Variants in UBXN7 observed in about 807,000 individuals in gnomAD.
UBXN7 encodes UBX domain-containing protein 7.
UBXN7 carries 9 observed loss-of-function variants against 58.0 expected under a neutral mutation model. That is an observed-to-expected ratio of 0.16 (90% CI 0.09 to 0.27). UBXN7 has a LOEUF of 0.27. UBXN7 is among the 10% of genes least tolerant of loss of function. The pLI, the probability that UBXN7 is intolerant of heterozygous loss-of-function variation, is 1.00. For missense variants in UBXN7, 328 were observed against 599.6 expected (o/e 0.55, Z 4.73); for synonymous variants, 208 against 205.0 (o/e 1.01, Z -0.12).
In UBXN7 at chr3:196,389,640, TTC is replaced by T. The variant is rs1729516889; in HGVS notation, c.468+2171_468+2172del. On this transcript the variant is annotated intron_variant, in intron 5 of 10. Coordinates refer to ENST00000296328, the MANE Select transcript of UBXN7 (RefSeq NM_015562.2). Reference sequence around the variant, plus strand: ...GTGCTACACCGGCTTCCCCTTTGCCTTCTGCCATGACTGCAAGCTTCCTGAGG... The same window carrying T: ...GTGCTACACCGGCTTCCCCTTTGCCTTGCCATGACTGCAAGCTTCCTGAGG... Among the ~76,000 whole-genome samples, 3 of 152,220 alleles carry T rather than the reference TTC, an allele frequency of 2.0e-5. No individual in the cohort carries two copies. The South Asian group carries it at 6.2e-4, about 31-fold the overall frequency.
chr3:196,393,698 A>T, intron 3 of UBXN7, 79 bp from the exon 4 acceptor site: 1 of 1,403,338 alleles, frequency 7.1e-7, no homozygotes. Context: ...ATCTAAAAGT[A>T]TTTTTTTAAT....
intron 10 of UBXN7, among the ~76,000 whole-genome samples, chr3:196,357,602 A>AT (rs1250136450): frequency 1.3e-5 from 2 of 152,116 alleles, no homozygotes; most frequent in Non-Finnish European, 2.9e-5. Context: ...GCAAAATCCC[A>AT]TCTCATCAAA....
intron 2 of UBXN7, among the ~76,000 whole-genome samples, chr3:196,403,511 T>C (rs946385741): frequency 1.3e-5 from 2 of 151,960 alleles, no homozygotes; most frequent in South Asian, 4.2e-4. Context: ...TGGAAAAGAG[T>C]ACCTGGCATA....
chr3:196,378,063 T>C (rs535247894), intron 5 of UBXN7, among the ~76,000 whole-genome samples: 2 of 152,340 alleles, frequency 1.3e-5, no homozygotes, highest in South Asian at 4.1e-4. Context: ...ATGTATTATA[T>C]TCACTGTTAT....
At chr3:196,421,799 T>C (rs1436151809) in intron 1 of UBXN7, among the ~76,000 whole-genome samples, 1 of 151,176 alleles carries the variant, frequency 6.6e-6, no homozygotes, top group African/African-American at 2.4e-5. Flanking sequence ...AAAAGATTTA[T>C]AGATGGTAAG....
rs1358093457 is a variant in UBXN7, at chr3:196,348,058, G to C, written c.*8627C>G. On this transcript the variant is annotated 3_prime_UTR_variant, in exon 11 of 11. Coordinates refer to ENST00000296328, the MANE Select transcript of UBXN7 (RefSeq NM_015562.2). ...TATCTAAGATTTCCCTGGTTTTAGA[G>C]CAAGTGGAAGTTCCATTGAGTCTTA... 2.0e-5 allele frequency: 3 copies of C among 152,090 alleles called. No individual in the cohort carries two copies. The highest frequency in any genetic ancestry group is 4.4e-5 in the Non-Finnish European group (3 of 68,024). The allele number at this position is 152,090 out of a possible 1,614,324, so 9.4% of individuals were successfully genotyped here. A position where few individuals can be genotyped will look rare whatever the true frequency, so the allele number is the denominator to read the frequency against.
chr3:196,432,385 C>G lies in UBXN7; in HGVS notation c.15G>C (p.Gly5=), dbSNP rs1258023232. 2.5e-6 allele frequency: 4 copies of G among 1,594,962 alleles called. No homozygotes were observed. Among genetic ancestry groups the G allele is most frequent in the Non-Finnish European group, 3.4e-6 (4 of 1,167,000 alleles). ...TCAGCGCCGAGGACGCCGCGGAGCC[C>G]CCGTGGGCAGCCATCTTACCGCCGC... MAAH[G]GSAASSALKG... Residue 5 remains glycine, a synonymous_variant, in exon 1 of 11, where the codon GGG becomes GGC. Coordinates refer to ENST00000296328, the MANE Select transcript of UBXN7 (RefSeq NM_015562.2).
At position 196,351,667 on chromosome 3, in the gene UBXN7, C is replaced by G. The variant is rs1427395167; in HGVS notation, c.*5018G>C. On this transcript the variant is annotated 3_prime_UTR_variant, in exon 11 of 11. Transcript: ENST00000296328. Reference sequence around the variant, plus strand: ...AACTATTAATCTAGTCCAATTATCTCATTTTTCAGACGAGAAACCAGAGAT... The same window carrying G: ...AACTATTAATCTAGTCCAATTATCTGATTTTTCAGACGAGAAACCAGAGAT... 1 of 152,122 alleles carries G rather than the reference C, an allele frequency of 6.6e-6. No individual in the cohort carries two copies. Among genetic ancestry groups the G allele is most frequent in the Admixed American group, 6.5e-5 (1 of 15,274 alleles). The allele number at this position is 152,122 out of a possible 1,614,324, so 9.4% of individuals were successfully genotyped here.
intron 1 of UBXN7, among the ~76,000 whole-genome samples, chr3:196,417,588 C>T (rs1258464240): frequency 6.6e-6 from 1 of 151,816 alleles, no homozygotes; most frequent in Non-Finnish European, 1.5e-5. Context: ...GATTTATCAA[C>T]TTCATGAAGT....
intron 4 of UBXN7, among the ~76,000 whole-genome samples, chr3:196,392,686 C>T (rs936410587): frequency 1.3e-5 from 2 of 151,886 alleles, no homozygotes; most frequent in African/African-American, 4.8e-5. Flanking sequence ...GCCTGTAGTC[C>T]CAGCTACTTG....
chr3:196,366,798 A>G (rs1278279857), intron 8 of UBXN7, among the ~76,000 whole-genome samples: 1 of 152,156 alleles, frequency 6.6e-6, no homozygotes, highest in Non-Finnish European at 1.5e-5. Flanking sequence ...CTGAGGTGGA[A>G]GGATCGCTTG....
intron 3 of UBXN7, among the ~76,000 whole-genome samples, chr3:196,396,823 T>C (rs537218680): frequency 1.3e-5 from 2 of 152,182 alleles, no homozygotes; most frequent in African/African-American, 2.4e-5. Flanking sequence ...CCTAAGAAAG[T>C]ATATTATTTT....
intron 3 of UBXN7, among the ~76,000 whole-genome samples, chr3:196,395,704 C>A (rs1353517183): frequency 1.3e-5 from 2 of 151,852 alleles, no homozygotes; most frequent in Non-Finnish European, 2.9e-5. Context: ...GGAATCCTCC[C>A]ATCTCATCCT....
chr3:196,372,671 A>T (rs1282424991), intron 5 of UBXN7, among the ~76,000 whole-genome samples: 2 of 151,886 alleles, frequency 1.3e-5, no homozygotes, highest in Non-Finnish European at 2.9e-5. Context: ...ATGTTTAAAC[A>T]TCTTTACCTG....
chr3:196,376,396 A>T (rs1424206806), intron 5 of UBXN7, among the ~76,000 whole-genome samples: 4 of 151,922 alleles, frequency 2.6e-5, no homozygotes. Context: ...AATTTAAAAA[A>T]TTAGCCAGGC....
chr3:196,416,508 C>A (rs925826554), intron 1 of UBXN7, among the ~76,000 whole-genome samples: 1 of 152,038 alleles, frequency 6.6e-6, no homozygotes, highest in African/African-American at 2.4e-5. Context: ...ACCCTTTCTA[C>A]CACCCTTCAT....
intron 1 of UBXN7, among the ~76,000 whole-genome samples, chr3:196,417,193 G>A (rs1016693528): frequency 3.6e-4 from 55 of 152,154 alleles, no homozygotes; most frequent in Non-Finnish European, 3.7e-4. Flanking sequence ...GGCGCTTGTA[G>A]TCCCAGCTGC....
At chr3:196,373,533 G>A (rs1177359654) in intron 5 of UBXN7, among the ~76,000 whole-genome samples, 1 of 152,118 alleles carries the variant, frequency 6.6e-6, no homozygotes, top group African/African-American at 2.4e-5. Flanking sequence ...CCAAATCAGT[G>A]TGACATGGGA....
intron 1 of UBXN7, among the ~76,000 whole-genome samples, chr3:196,428,231 A>C (rs1730910793): frequency 6.6e-6 from 1 of 152,182 alleles, no homozygotes; most frequent in Non-Finnish European, 1.5e-5. Flanking sequence ...TCTCTTGGCT[A>C]CCTGCTTATC....
Sources: allele counts gnomAD v4.1 joint callset (sites outside exome capture counted in the v4.1 genomes callset), GRCh38; gene constraint gnomAD v4.1.1; transcripts MANE v1.5; gene names NCBI Gene and HGNC (gene_info 2026-07-23, HGNC 2026-07-21).